The following MTO1 variants were observed in gnomAD, a reference collection of about 807,000 sequenced individuals.
MTO1 encodes the protein mitochondrial tRNA translation optimization 1.
Under a neutral mutation model 71.6 loss-of-function variants are expected in MTO1, and 46 were observed. That is an observed-to-expected ratio of 0.64 (90% CI 0.51 to 0.82). MTO1 has a LOEUF of 0.82. MTO1 is among the 40% of genes least tolerant of loss of function. The pLI is 0.00. For missense variants in MTO1, 773 were observed against 867.5 expected (o/e 0.89, Z 1.37); for synonymous variants, 297 against 312.1 (o/e 0.95, Z 0.51).
At chr6:73,467,263 G>A (rs6920811) in intron 3 of MTO1, among the ~76,000 whole-genome samples, 20,703 of 152,032 alleles carry the variant, frequency 0.14, 1,779 homozygotes, top group East Asian at 0.2. Flanking sequence ...TCAGTGAGCT[G>A]TGATTATGCC....
chr6:73,483,830 G>C (rs1771582038), intron 9 of MTO1, among the ~76,000 whole-genome samples: 1 of 147,212 alleles, frequency 6.8e-6, no homozygotes, highest in South Asian at 2.2e-4. Flanking sequence ...TCTGTCAGGA[G>C]TGCAATGGCA....
At position 73,461,893 on chromosome 6, in the gene MTO1, T is replaced by G. The variant is rs1409564926; in HGVS notation, c.39T>G (p.Val13=). 6.2e-7 allele frequency: 1 copy of G among 1,613,988 alleles called. No individual in the cohort carries two copies. The highest frequency in any genetic ancestry group is 1.3e-5 in the African/African-American group (1 of 74,956). The change falls in exon 1 of 12, where the codon GTT becomes GTG. Residue 13 remains valine (V), a synonymous_variant. Coordinates refer to ENST00000498286, the MANE Select transcript of MTO1 (RefSeq NM_012123.4). Reference sequence around the variant, plus strand: ...GAGGCTGTGGCCGTTGGGTCGCGGTTTCCTTCACCAAGCAGCAATTTCCGT... The same window carrying G: ...GAGGCTGTGGCCGTTGGGTCGCGGTGTCCTTCACCAAGCAGCAATTTCCGT... The part of the protein sequence containing the change: ...YFRGCGRWVA[V]SFTKQQFPLA...
intron 1 of MTO1, among the ~76,000 whole-genome samples, chr6:73,463,018 A>G (rs1048814017): frequency 7.2e-6 from 1 of 139,588 alleles, no homozygotes; most frequent in Non-Finnish European, 1.5e-5. Context: ...GAACCATGCT[A>G]CCTTTTTTTT....
intron 3 of MTO1, among the ~76,000 whole-genome samples, chr6:73,467,079 C>T (rs1582671380): frequency 6.6e-6 from 1 of 151,948 alleles, no homozygotes. Flanking sequence ...TTTGGGAGGC[C>T]GAGGTAGGTG....
Position 73,482,642 on chromosome 6 carries a change from C to G in MTO1, c.1637+22C>G, listed in dbSNP as rs755957670. 1.9e-6 allele frequency: 3 copies of G among 1,553,516 alleles called. No individual in the cohort carries two copies. The South Asian group carries it at 3.6e-5, about 19-fold the overall frequency. On this transcript the variant is annotated intron_variant, in intron 9 of 11. Transcript: ENST00000498286. ...TCAGGTATGCATTTTTAATATAGACCTTTCTCACTTTTTATAGAAAAATAA... is the reference window on the plus strand; with the variant it reads ...TCAGGTATGCATTTTTAATATAGACGTTTCTCACTTTTTATAGAAAAATAA...
intron 9 of MTO1, among the ~76,000 whole-genome samples, chr6:73,488,947 G>T (rs934139925): frequency 6.6e-6 from 1 of 152,046 alleles, no homozygotes; most frequent in Non-Finnish European, 1.5e-5. Flanking sequence ...CAACAAAATG[G>T]ATCTAGTTCC....
Position 73,473,547 on chromosome 6 carries a change from C to G in MTO1, c.718C>G (p.Pro240Ala), listed in dbSNP as rs1192411843. The stretch of plus-strand genomic sequence containing the variant: ...GGTGGGAAGGTTGAAGACTGGGACT[C>G]CACCCCGAATTGCCAAAGAGTCCAT... Reference protein sequence around the residue: ...FVVGRLKTGTPPRIAKESINF... With the variant: ...FVVGRLKTGTAPRIAKESINF... The change falls in exon 4 of 12, where the codon CCA becomes GCA. Residue 240 changes from proline to alanine, a missense_variant. Transcript: ENST00000498286. 1.2e-6 allele frequency: 2 copies of G among 1,613,910 alleles called. No homozygotes were observed. Among genetic ancestry groups the G allele is most frequent in the Non-Finnish European group, 8.5e-7 (1 of 1,179,994 alleles).
rs764949457 is a variant in MTO1 at position 73,497,810 on chromosome 6, C to T, written c.1831C>T (p.Pro611Ser). The T allele has an allele frequency of 1.2e-6, 2 of 1,613,706 alleles. No individual in the cohort carries two copies. The highest frequency in any genetic ancestry group is 1.3e-5 in the African/African-American group (1 of 75,014). The change falls in exon 11 of 12, where the codon CCA (proline) becomes TCA (serine). Residue 611 changes from proline (P) to serine (S), a missense_variant. Physicochemically the swap from Pro to Ser is moderately conservative, Grantham distance 74. Coordinates refer to ENST00000498286, the MANE Select transcript of MTO1 (RefSeq NM_012123.4). The stretch of plus-strand genomic sequence containing the variant: ...TCAGCAAGATGAAGCTCTCCAACTG[C>T]CAAAAGACCTAGATTATTTGACTAT... ...GVQQDEALQL[P>S]KDLDYLTIRD... is the part of the protein sequence containing the mutation.
Position 73,485,062 on chromosome 6 carries a change from AAG to A in MTO1, c.1637+2444_1637+2445del, listed in dbSNP as rs1488599097. On this transcript the variant is annotated intron_variant, in intron 9 of 11. Transcript: ENST00000498286. ...TCTCTGTATCAAAAAAAAAAAAAAA[AAG>A]AATTTATATAACACTATGCTTTCTT... Among the ~76,000 whole-genome samples the A allele has an allele frequency of 1.8e-4, 27 of 152,016 alleles. 1 individual carries two copies. The highest frequency in any genetic ancestry group is 1.8e-3 in the Admixed American group (27 of 15,224).
chr6:73,503,900 T>TTTAGATGGA lies in MTO1; in HGVS notation c.*3165_*3166insTTAGATGGA, dbSNP rs1384575857. On this transcript the variant is annotated 3_prime_UTR_variant, in exon 12 of 12. Coordinates refer to ENST00000498286, the MANE Select transcript of MTO1 (RefSeq NM_012123.4). ...AAAAGTATTTTGTCATTTTTTAGTT[T>TTTAGATGGA]CAACCTAGATTGGAATAGCCATGGC... 5.9e-5 allele frequency: 9 copies of TTTAGATGGA among 152,222 alleles called. No individual in the cohort carries two copies. Among genetic ancestry groups the TTTAGATGGA allele is most frequent in the Non-Finnish European group, 1.2e-4 (8 of 68,034 alleles). The allele number at this position is 152,222 out of a possible 1,614,324, so 9.4% of individuals were successfully genotyped here.
At chr6:73,493,390 T>TG (rs1771883161) in intron 10 of MTO1, among the ~76,000 whole-genome samples, 8 of 73,662 alleles carry the variant, frequency 1.1e-4, no homozygotes, top group East Asian at 5.4e-4. Flanking sequence ...GTGTGTGTGT[T>TG]TTGGTTTTTT....
chr6:73,494,700 T>G (rs1250102670), intron 10 of MTO1, among the ~76,000 whole-genome samples: 1 of 148,834 alleles, frequency 6.7e-6, no homozygotes. Flanking sequence ...GGTCTTGAAC[T>G]CCTGACTTCA....
intron 3 of MTO1, among the ~76,000 whole-genome samples, chr6:73,470,183 TATTTA>T (rs1210046517): frequency 6.6e-6 from 1 of 151,684 alleles, no homozygotes; most frequent in African/African-American, 2.4e-5. Context: ...TATTTTATTT[TATTTA>T]TTTATTTATT....
chr6:73,499,574 T>C (rs562706945), intron 11 of MTO1, among the ~76,000 whole-genome samples: 2 of 151,622 alleles, frequency 1.3e-5, no homozygotes, highest in South Asian at 4.2e-4. Flanking sequence ...AGTTCCTCAG[T>C]CTTACTAGCC....
chr6:73,478,328 C>T (rs577132474), intron 4 of MTO1, among the ~76,000 whole-genome samples: 22 of 151,652 alleles, frequency 1.5e-4, no homozygotes, highest in Admixed American at 1.4e-3. Flanking sequence ...ACCTGTAATA[C>T]CAGCACTTTG....
At chr6:73,486,984 G>A (rs1771670569) in intron 9 of MTO1, among the ~76,000 whole-genome samples, 1 of 151,768 alleles carries the variant, frequency 6.6e-6, no homozygotes. Flanking sequence ...ATGTCCTCAG[G>A]GTTCATCTAC....
In MTO1 at chr6:73,507,780, A is replaced by C. The variant is rs1400425901; in HGVS notation, c.*7045A>C. 6.6e-6 allele frequency: 1 copy of C among 152,262 alleles called. No homozygotes were observed. The highest frequency in any genetic ancestry group is 6.5e-5 in the Admixed American group (1 of 15,272). 9.4% of individuals were successfully genotyped at this position (152,262 alleles called of 1,614,324 possible). A position where few individuals can be genotyped will look rare whatever the true frequency, so the allele number is the denominator to read the frequency against. ...ATCACGAGGTCAGGAAATAGAGACC[A>C]TCCTGGCTAACATGGTGAAACCCCG... On this transcript the variant is annotated 3_prime_UTR_variant, in exon 12 of 12. Transcript: ENST00000498286.
At chr6:73,462,145 C>T (rs1770841448) in intron 1 of MTO1, 74 bp downstream of exon 1, 2 of 1,477,882 alleles carry the variant, frequency 1.4e-6, no homozygotes, top group African/African-American at 1.4e-5. Context: ...CGGTCTGAAG[C>T]GGGGGACCTC....
At chr6:73,462,121 C>T in intron 1 of MTO1, 50 bp downstream of exon 1, 1 of 1,579,214 alleles carries the variant, frequency 6.3e-7, no homozygotes, top group East Asian at 2.2e-5. Context: ...AGGCTGCTTC[C>T]TTCCCGCCTC....
Sources: gnomAD v4.1 joint callset for allele counts (sites outside exome capture counted in the v4.1 genomes callset) on GRCh38, gnomAD v4.1.1 for gene constraint, MANE v1.5 for transcripts, NCBI Gene and HGNC (gene_info 2026-07-23, HGNC 2026-07-21) for gene names.